DLG1: variants seen among roughly 807,000 people sequenced by gnomAD.
DLG1 encodes disks large homolog 1.
Under a neutral mutation model 123.4 loss-of-function variants are expected in DLG1, and 42 were observed. The observed-to-expected ratio is 0.34, with a 90% CI of 0.27 to 0.44. The LOEUF is 0.44. DLG1 is among the 20% of genes least tolerant of loss of function. The pLI is 1.00. For missense variants in DLG1, 942 were observed against 1,082.6 expected, an observed-to-expected ratio of 0.87 and a Z score of 1.82; for synonymous variants, 317 against 356.2, an observed-to-expected ratio of 0.89 and a Z score of 1.24.
At chr3:197,226,139 C>T (rs376641773) in intron 4 of DLG1, 9 of 152,126 alleles carry the variant, frequency 5.9e-5, no homozygotes, top group African/African-American at 1.9e-4. Flanking sequence ...GAGATCAGGT[C>T]GGTATACTAT....
chr3:197,091,723 C>A (rs182876323), intron 14 of DLG1, among the ~76,000 whole-genome samples: 1 of 151,964 alleles, frequency 6.6e-6, no homozygotes, highest in Non-Finnish European at 1.5e-5. Flanking sequence ...AAAGTTTAAG[C>A]ACCTTTTCAA....
At chr3:197,132,262 T>C (rs1270421726) in intron 10 of DLG1, among the ~76,000 whole-genome samples, 8 of 151,064 alleles carry the variant, frequency 5.3e-5, no homozygotes, top group Non-Finnish European at 1.2e-4. Context: ...TCTGTTTGCT[T>C]TAGGTTTGGA....
chr3:197,139,472 T>C (rs1266917932), intron 8 of DLG1, among the ~76,000 whole-genome samples: 1 of 152,182 alleles, frequency 6.6e-6, no homozygotes, highest in Admixed American at 6.5e-5. Flanking sequence ...ATAAACTCTT[T>C]AGTCCTAAAA....
At chr3:197,144,392 A>G (rs1012984311) in intron 6 of DLG1, among the ~76,000 whole-genome samples, 1 of 152,194 alleles carries the variant, frequency 6.6e-6, no homozygotes, top group Non-Finnish European at 1.5e-5. Context: ...CCTAACCAGC[A>G]GTCAGCACCA....
intron 4 of DLG1, among the ~76,000 whole-genome samples, chr3:197,266,071 C>T (rs1339464573): frequency 6.6e-6 from 1 of 151,972 alleles, no homozygotes; most frequent in Admixed American, 6.6e-5. Context: ...AAAAAGCAGT[C>T]TGAATGGCAT....
intron 4 of DLG1, among the ~76,000 whole-genome samples, chr3:197,226,688 C>A (rs188622865): frequency 3.7e-4 from 56 of 152,268 alleles, no homozygotes; most frequent in African/African-American, 1.3e-3. Flanking sequence ...TCAGTATTTT[C>A]TAATACATCA....
At chr3:197,134,359 A>T (rs1784080582) in intron 10 of DLG1, among the ~76,000 whole-genome samples, 1 of 152,002 alleles carries the variant, frequency 6.6e-6, no homozygotes, top group African/African-American at 2.4e-5. Flanking sequence ...GATGGTTTTT[A>T]AAAAGAATGC....
At chr3:197,117,171 A>G (rs1237302269) in intron 12 of DLG1, among the ~76,000 whole-genome samples, 1 of 152,190 alleles carries the variant, frequency 6.6e-6, no homozygotes, top group Non-Finnish European at 1.5e-5. Context: ...TAAAAAAACC[A>G]CAAAACAAAA....
intron 4 of DLG1, among the ~76,000 whole-genome samples, chr3:197,275,587 T>C (rs1766024481): frequency 2.6e-5 from 4 of 152,232 alleles, no homozygotes; most frequent in Non-Finnish European, 4.4e-5. Flanking sequence ...AGTCCTGTCA[T>C]CTGCAGCATC....
intron 5 of DLG1, among the ~76,000 whole-genome samples, chr3:197,159,107 T>C (rs998071609): frequency 6.6e-6 from 1 of 152,136 alleles, no homozygotes. Flanking sequence ...TTCCACACCA[T>C]CACACGTAGA....
intron 4 of DLG1, among the ~76,000 whole-genome samples, chr3:197,257,457 AAGT>A (rs1757371971): frequency 6.6e-6 from 1 of 152,160 alleles, no homozygotes; most frequent in Admixed American, 6.5e-5. Context: ...AACTTTTGGC[AAGT>A]AGGAGATTCA....
At chr3:197,247,816 T>A (rs1276275373) in intron 4 of DLG1, among the ~76,000 whole-genome samples, 1 of 152,120 alleles carries the variant, frequency 6.6e-6, no homozygotes, top group African/African-American at 2.4e-5. Flanking sequence ...ATCCTGGAGG[T>A]TTGGTGTTAG....
At chr3:197,046,204 G>A (rs1300743522) in intron 24 of DLG1, among the ~76,000 whole-genome samples, 1 of 152,122 alleles carries the variant, frequency 6.6e-6, no homozygotes, top group Non-Finnish European at 1.5e-5. Flanking sequence ...AGTTTAGGTT[G>A]ACAACAGCAC....
chr3:197,113,871 T>C (rs2149385224), intron 13 of DLG1, among the ~76,000 whole-genome samples: 1 of 152,328 alleles, frequency 6.6e-6, no homozygotes, highest in Admixed American at 6.5e-5. Context: ...CAGTTTCAGC[T>C]TCTTGGGAGG....
chr3:197,091,044 G>T lies in DLG1; in HGVS notation c.1547-18C>A. ...ACTGTATTCTGATGGAAGAAAAAGAGAAATAAATTGATATATTTTCAAAAA... is the reference window on the plus strand; with the variant it reads ...ACTGTATTCTGATGGAAGAAAAAGATAAATAAATTGATATATTTTCAAAAA... On this transcript the variant is annotated intron_variant, in intron 14 of 24. Coordinates refer to ENST00000667157, the MANE Select transcript of DLG1 (RefSeq NM_001366207.1). 2 of 1,478,236 alleles carry T rather than the reference G, an allele frequency of 1.4e-6. No homozygotes were observed. Among genetic ancestry groups the T allele is most frequent in the African/African-American group, 1.4e-5 (1 of 72,128 alleles). 91.6% of individuals were successfully genotyped at this position (1,478,236 alleles called of 1,614,324 possible). A position where few individuals can be genotyped will look rare whatever the true frequency, so the allele number is the denominator to read the frequency against.
At chr3:197,124,885 T>TA (rs1179300422) in intron 11 of DLG1, among the ~76,000 whole-genome samples, 1 of 152,156 alleles carries the variant, frequency 6.6e-6, no homozygotes, top group African/African-American at 2.4e-5. Flanking sequence ...AAGGAGTATG[T>TA]AAACATGTTC....
At position 197,133,336 on chromosome 3, in the gene DLG1, G is replaced by C. The variant is rs147225604; in HGVS notation, c.1021-2665C>G. Reference sequence around the variant, plus strand: ...AAGCACCTGGCTAACAGTCCCAGCTGAGTTCCCAGCTAAGAGCCAACTTGC... The same window carrying C: ...AAGCACCTGGCTAACAGTCCCAGCTCAGTTCCCAGCTAAGAGCCAACTTGC... On this transcript the variant is annotated intron_variant, in intron 10 of 24. Coordinates refer to ENST00000667157, the MANE Select transcript of DLG1 (RefSeq NM_001366207.1). 9.7e-3 allele frequency among the ~76,000 whole-genome samples: 1,481 copies of C among 152,326 alleles called. 18 individuals are homozygous for C. The highest frequency in any genetic ancestry group is 0.023 in the African/African-American group (959 of 41,578).
chr3:197,197,777 T>C (rs559817178), intron 4 of DLG1, among the ~76,000 whole-genome samples: 9 of 152,180 alleles, frequency 5.9e-5, no homozygotes, highest in Non-Finnish European at 1.3e-4. Flanking sequence ...ATCAAGACTA[T>C]GGTACTGGAA....
At chr3:197,213,344 A>C (rs1463296452) in intron 4 of DLG1, among the ~76,000 whole-genome samples, 2 of 152,200 alleles carry the variant, frequency 1.3e-5, no homozygotes, top group Non-Finnish European at 2.9e-5. Context: ...TTTATATAAA[A>C]TGTTTGAAAA....
Sources: allele counts gnomAD v4.1 joint callset (sites outside exome capture counted in the v4.1 genomes callset), GRCh38; gene constraint gnomAD v4.1.1; transcripts MANE v1.5; gene names NCBI Gene and HGNC (gene_info 2026-07-23, HGNC 2026-07-21).